Variants in FOCAD observed in about 807,000 individuals in gnomAD.
FOCAD encodes focadhesin, also known as KIAA1797.
A neutral mutation model predicts 225.6 loss-of-function variants in FOCAD; 198 were observed. The ratio of observed to expected loss-of-function variants is 0.88; its 90% CI spans 0.78 to 0.99. The LOEUF (loss-of-function observed/expected upper bound fraction) is 0.99. Ranked by LOEUF, FOCAD falls within the 50% of genes least tolerant of loss-of-function variation. The pLI, the probability that FOCAD is intolerant of heterozygous loss-of-function variation, is 0.00. For synonymous variants in FOCAD, 897 were observed against 755.0 expected, an observed-to-expected ratio of 1.19 and a Z score of -3.08; for missense variants, 2,713 against 2,123.6, an observed-to-expected ratio of 1.28 and a Z score of -5.46.
rs1288534352 is a variant in FOCAD, at chr9:20,946,765, C to T, written c.3620C>T (p.Thr1207Ile). The T allele has an allele frequency of 2.5e-6, 4 of 1,613,746 alleles. No individual in the cohort carries two copies. Among genetic ancestry groups the T allele is most frequent in the Non-Finnish European group, 3.4e-6 (4 of 1,179,800 alleles). Residue 1207 changes from threonine (T) to isoleucine (I), a missense_variant, in exon 30 of 44, where the codon ACA becomes ATA. Coordinates refer to ENST00000338382, the MANE Select transcript of FOCAD (RefSeq NM_001375567.1). ...TTCAGTGCTGGAATTATTGAGGCTA[C>T]AGAGGCTGAGGATGTTATGAACAAG... ...SAFSAGIIEATEAEDVMNKLR... is the reference protein window; with the variant it reads ...SAFSAGIIEAIEAEDVMNKLR...
At chr9:20,826,818 T>G (rs1298294403) in intron 15 of FOCAD, among the ~76,000 whole-genome samples, 1 of 152,092 alleles carries the variant, frequency 6.6e-6, no homozygotes, top group Non-Finnish European at 1.5e-5. Context: ...AATGTGGGCA[T>G]TGAAAGTAGT....
chr9:20,954,219 C>T (rs1292380575), intron 35 of FOCAD, among the ~76,000 whole-genome samples: 1 of 152,026 alleles, frequency 6.6e-6, no homozygotes, highest in African/African-American at 2.4e-5. Context: ...ACGTAATGTA[C>T]AGTTAGTTCA....
chr9:20,988,444 A>T lies in FOCAD; in HGVS notation c.5004+15A>T. 1 of 1,357,966 alleles carries T rather than the reference A, an allele frequency of 7.4e-7. No homozygotes were observed. The highest frequency in any genetic ancestry group is 1.2e-5 in the South Asian group (1 of 83,418). 84.1% of individuals were successfully genotyped at this position (1,357,966 alleles called of 1,614,324 possible). On this transcript the variant is annotated intron_variant, in intron 41 of 43. Coordinates refer to ENST00000338382, the MANE Select transcript of FOCAD (RefSeq NM_001375567.1). ...CTCTTGACAAGGTAAAATCTAGAGG[A>T]GTAGTTTATAGCTTCCTTAAAATAC...
At chr9:20,699,432 T>C (rs1284905582) in intron 1 of FOCAD, among the ~76,000 whole-genome samples, 2 of 151,716 alleles carry the variant, frequency 1.3e-5, no homozygotes, top group African/African-American at 4.8e-5. Context: ...GTTTTAACAT[T>C]TGTGAAATTA....
rs550752247 is a variant in FOCAD, at chr9:20,901,849, A to G, written c.2626-5301A>G. On this transcript the variant is annotated intron_variant, in intron 21 of 43. Coordinates refer to ENST00000338382, the MANE Select transcript of FOCAD (RefSeq NM_001375567.1). ...CTTTAAAATTTTACTGTGTCATTCA[A>G]TATGTTTTTATCTGGAATTAAACCT... Among the ~76,000 whole-genome samples, 315 of 137,686 alleles carry G rather than the reference A, an allele frequency of 2.3e-3. 2 individuals carry two copies. Among genetic ancestry groups the G allele is most frequent in the African/African-American group, 7.9e-3 (298 of 37,858 alleles). 90.3% of individuals were successfully genotyped at this position (137,686 alleles called of 152,430 possible). A position where few individuals can be genotyped will look rare whatever the true frequency, so the allele number is the denominator to read the frequency against.
In FOCAD at chr9:20,948,265, T is replaced by C. The variant is rs1345617954; in HGVS notation, c.3676-6T>C. The C allele has an allele frequency of 1.2e-6, 2 of 1,601,452 alleles. No homozygotes were observed. The highest frequency in any genetic ancestry group is 3.4e-5 in the Admixed American group (2 of 58,406). ...TTCTTACCCCATTTTTATTTATTTA[T>C]ATCAGACTTCAGGTTTTGCCCTGGC... On this transcript the variant is annotated splice_polypyrimidine_tract_variant and splice_region_variant and intron_variant, in intron 30 of 43. Transcript: ENST00000338382.
At position 20,881,987 on chromosome 9, in the gene FOCAD, G is replaced by A; in HGVS notation, c.2434G>A (p.Gly812Arg). Residue 812 changes from glycine (G) to arginine (R), a missense_variant, in exon 20 of 44, where the codon GGA becomes AGA. Transcript: ENST00000338382. ...CTCAGACCAAGGAAAGACTGTAGCA[G>A]GAATCCCCAATTTTATATTGAAAAT... ...ARSDQGKTVA[G>R]IPNFILKMYE... The A allele has an allele frequency of 6.2e-7, 1 of 1,613,918 alleles. No homozygotes were observed. The highest frequency in any genetic ancestry group is 8.5e-7 in the Non-Finnish European group (1 of 1,179,898).
At chr9:20,731,100 C>T (rs1185398071) in intron 4 of FOCAD, among the ~76,000 whole-genome samples, 1 of 151,972 alleles carries the variant, frequency 6.6e-6, no homozygotes, top group Non-Finnish European at 1.5e-5. Flanking sequence ...TTAGCTGGGC[C>T]TGTGGTGCGT....
chr9:20,860,137 A>G (rs969876629), intron 15 of FOCAD, among the ~76,000 whole-genome samples: 9 of 152,176 alleles, frequency 5.9e-5, no homozygotes, highest in Non-Finnish European at 1.0e-4. Flanking sequence ...TTCTTCCCCT[A>G]ATATTAACAT....
chr9:20,757,065 GATTACAGGCATGCGCC>G (rs2130884997), intron 5 of FOCAD, among the ~76,000 whole-genome samples: 1 of 152,260 alleles, frequency 6.6e-6, no homozygotes, highest in African/African-American at 2.4e-5. Flanking sequence ...GAGTAGCTGG[GATTACAGGCATGCGCC>G]ACCATTCCCG....
Position 20,948,832 on chromosome 9 carries a change from T to A in FOCAD, c.3799-19T>A, listed in dbSNP as rs1837428312. 1 of 1,612,972 alleles carries A rather than the reference T, an allele frequency of 6.2e-7. No individual in the cohort carries two copies. The highest frequency in any genetic ancestry group is 2.2e-5 in the East Asian group (1 of 44,858). On this transcript the variant is annotated intron_variant, in intron 31 of 43. Coordinates refer to ENST00000338382, the MANE Select transcript of FOCAD (RefSeq NM_001375567.1). Reference sequence around the variant, plus strand: ...AAGGACTGATTCCCTCTTTTCATATTCTGATGCTTTGTTTTCAGGGCACTC... The same window carrying A: ...AAGGACTGATTCCCTCTTTTCATATACTGATGCTTTGTTTTCAGGGCACTC...
intron 2 of FOCAD, among the ~76,000 whole-genome samples, chr9:20,668,751 G>T (rs1418104743): frequency 6.6e-6 from 1 of 152,154 alleles, no homozygotes; most frequent in African/African-American, 2.4e-5. Context: ...ATTGAATCCT[G>T]ACTTATCTGT....
At chr9:20,658,283 C>G (rs920197787), upstream of FOCAD, 1 of 158,546 alleles carries the variant, frequency 6.3e-6, no homozygotes, top group African/African-American at 2.4e-5. Context: ...AGGCAGGCCT[C>G]CTTGAGCTGT....
At chr9:20,942,840 T>C (rs1229560442) in intron 28 of FOCAD, among the ~76,000 whole-genome samples, 1 of 152,148 alleles carries the variant, frequency 6.6e-6, no homozygotes, top group Non-Finnish European at 1.5e-5. Flanking sequence ...ATAATTAAAA[T>C]TGTATGAAGT....
chr9:20,734,836 G>T (rs1159667896), intron 4 of FOCAD, among the ~76,000 whole-genome samples: 1 of 151,952 alleles, frequency 6.6e-6, no homozygotes, highest in Non-Finnish European at 1.5e-5. Flanking sequence ...GTAGAGATGG[G>T]GTTTTGCCCA....
chr9:20,898,209 T>C (rs1294262050), intron 21 of FOCAD, among the ~76,000 whole-genome samples: 2 of 151,906 alleles, frequency 1.3e-5, no homozygotes, highest in African/African-American at 4.8e-5. Context: ...TACAAATACC[T>C]ATAGGTTTTT....
chr9:20,942,509 T>G (rs1218904587), intron 28 of FOCAD, among the ~76,000 whole-genome samples: 1 of 152,218 alleles, frequency 6.6e-6, no homozygotes, highest in Non-Finnish European at 1.5e-5. Flanking sequence ...TTTTCTTGGT[T>G]GAATCTTGCA....
intron 11 of FOCAD, among the ~76,000 whole-genome samples, chr9:20,814,994 C>G (rs111497510): frequency 6.6e-6 from 1 of 151,928 alleles, no homozygotes; most frequent in African/African-American, 2.4e-5. Context: ...TCCATATGCT[C>G]TCATGTTTCT....
chr9:20,898,112 T>G (rs1194395877), intron 21 of FOCAD, among the ~76,000 whole-genome samples: 2 of 151,852 alleles, frequency 1.3e-5, no homozygotes, highest in Non-Finnish European at 2.9e-5. Context: ...ACACTTATCT[T>G]TGCTTCTCTA....
Sources: allele counts gnomAD v4.1 joint callset (sites outside exome capture counted in the v4.1 genomes callset), GRCh38; gene constraint gnomAD v4.1.1; transcripts MANE v1.5; gene names NCBI Gene and HGNC (gene_info 2026-07-23, HGNC 2026-07-21).